Variants in MEP1B observed in about 807,000 individuals in gnomAD.
MEP1B encodes N-benzoyl-L-tyrosyl-P-amino-benzoic acid hydrolase subunit beta.
A neutral mutation model predicts 84.6 loss-of-function variants in MEP1B; 80 were observed. The observed-to-expected ratio is 0.95, with a 90% CI of 0.79 to 1.14. The LOEUF (loss-of-function observed/expected upper bound fraction) is 1.14. Ranked by LOEUF, MEP1B falls within the 50% of genes most tolerant of loss-of-function variation. The pLI is 0.00. For missense variants in MEP1B, 766 were observed against 855.1 expected, an observed-to-expected ratio of 0.90 and a Z score of 1.30; for synonymous variants, 273 against 288.1, an observed-to-expected ratio of 0.95 and a Z score of 0.53.
At chr18:32,195,260 G>T in intron 4 of MEP1B, 147 bp from the exon 5 acceptor site, 5 of 503,892 alleles carry the variant, frequency 9.9e-6, no homozygotes, top group South Asian at 9.9e-5. Flanking sequence ...ATAAAAGTAG[G>T]GCTACACACA....
At chr18:32,215,510 G>C (rs1413540947) in intron 12 of MEP1B, among the ~76,000 whole-genome samples, 1 of 152,114 alleles carries the variant, frequency 6.6e-6, no homozygotes, top group East Asian at 1.9e-4. Flanking sequence ...AAACCTTTAG[G>C]TTGGGAAATT....
At chr18:32,194,297 G>A (rs147198182) in intron 4 of MEP1B, among the ~76,000 whole-genome samples, 6 of 152,110 alleles carry the variant, frequency 3.9e-5, no homozygotes, top group African/African-American at 1.4e-4. Context: ...TTCAGATATT[G>A]TTCCCCTATA....
Position 32,204,174 on chromosome 18 carries a change from C to T in MEP1B, c.369-8C>T, listed in dbSNP as rs1324865512. On this transcript the variant is annotated splice_region_variant and splice_polypyrimidine_tract_variant and intron_variant, in intron 6 of 14. Transcript: ENST00000269202. ...CTCTTCCCCCTTTCTTGTAAACTCTCCTGTAAGCTGCTGGTCTTCAGTAGG... is the reference window on the plus strand; with the variant it reads ...CTCTTCCCCCTTTCTTGTAAACTCTTCTGTAAGCTGCTGGTCTTCAGTAGG... 2 of 1,601,376 alleles carry T rather than the reference C, an allele frequency of 1.2e-6. No individual in the cohort carries two copies. Among genetic ancestry groups the T allele is most frequent in the Non-Finnish European group, 1.7e-6 (2 of 1,173,884 alleles).
Position 32,207,377 on chromosome 18 carries a change from G to A in MEP1B, c.673G>A (p.Val225Ile), listed in dbSNP as rs774381249. 2 of 1,613,392 alleles carry A rather than the reference G, an allele frequency of 1.2e-6. No individual in the cohort carries two copies. Among genetic ancestry groups the A allele is most frequent in the African/African-American group, 2.7e-5 (2 of 75,050 alleles). ...CCAAAATGGAACAGAGCCGACAATTGTCACAAGAATCTCAGACTTTGAGGA... is the reference window on the plus strand; with the variant it reads ...CCAAAATGGAACAGAGCCGACAATTATCACAAGAATCTCAGACTTTGAGGA... The part of the protein sequence containing the change: ...AFQNGTEPTI[V>I]TRISDFEDVI... Residue 225 changes from valine to isoleucine, a missense_variant, in exon 8 of 15, where the codon GTC becomes ATC. Coordinates refer to ENST00000269202, the MANE Select transcript of MEP1B (RefSeq NM_005925.3).
intron 7 of MEP1B, 60 bp from the exon 8 acceptor site, chr18:32,207,192 T>G: frequency 5.3e-6 from 6 of 1,135,334 alleles, no homozygotes; most frequent in Non-Finnish European, 6.5e-6. Flanking sequence ...GAGCAGTATT[T>G]GGAGTAAGAT....
chr18:32,192,351 C>G (rs1202227684), intron 2 of MEP1B, among the ~76,000 whole-genome samples: 4 of 152,076 alleles, frequency 2.6e-5, no homozygotes, highest in Admixed American at 2.6e-4. Context: ...GTCTTCTAGT[C>G]TTTCAAATTA....
intron 4 of MEP1B, among the ~76,000 whole-genome samples, chr18:32,193,209 T>C (rs1284803819): frequency 6.6e-6 from 1 of 152,172 alleles, no homozygotes; most frequent in Non-Finnish European, 1.5e-5. Flanking sequence ...CCCCAATAAA[T>C]AGATTTTGTG....
chr18:32,204,242 C>G lies in MEP1B; in HGVS notation c.429C>G (p.Asn143Lys). ...AGCAAGAACTTTCCATCGGGGCAAACTGTGACCGAATAGCAACAGTTCAAC... is the reference window on the plus strand; with the variant it reads ...AGCAAGAACTTTCCATCGGGGCAAAGTGTGACCGAATAGCAACAGTTCAAC... ...VGKQELSIGA[N>K]CDRIATVQHE... is the part of the protein sequence containing the mutation. The change falls in exon 7 of 15, where the codon AAC (asparagine) becomes AAG (lysine). Residue 143 changes from asparagine to lysine, a missense_variant. Asn to Lys is a moderately conservative substitution (Grantham distance 94). Coordinates refer to ENST00000269202, the MANE Select transcript of MEP1B (RefSeq NM_005925.3). 1.9e-6 allele frequency: 3 copies of G among 1,605,764 alleles called. No individual in the cohort carries two copies. The highest frequency in any genetic ancestry group is 2.6e-6 in the Non-Finnish European group (3 of 1,176,402).
chr18:32,207,734 A>C (rs1048517709), intron 8 of MEP1B, among the ~76,000 whole-genome samples: 7 of 152,264 alleles, frequency 4.6e-5, no homozygotes, highest in Non-Finnish European at 8.8e-5. Flanking sequence ...GCTGTTACTA[A>C]TTCAAACCTC....
intron 5 of MEP1B, among the ~76,000 whole-genome samples, chr18:32,199,590 T>C (rs955908330): frequency 2.3e-5 from 3 of 127,954 alleles, no homozygotes; most frequent in Admixed American, 1.5e-4. Context: ...TGAATATACA[T>C]GTTTTTTTGG....
At chr18:32,190,205 G>GT (rs967569100) in intron 1 of MEP1B, 72 bp downstream of exon 1, 24,655 of 783,846 alleles carry the variant, frequency 0.031, no homozygotes, top group South Asian at 0.042. Context: ...AAGAACAAGT[G>GT]TTTTTTTTTT....
chr18:32,208,394 A>G (rs28759083), intron 9 of MEP1B, 123 bp downstream of exon 9: 73,983 of 1,029,926 alleles, frequency 0.072, 3,304 homozygotes, highest in African/African-American at 0.19. Flanking sequence ...TCATTAGGTT[A>G]CTACTGAGAA....
intron 8 of MEP1B, 40 bp from the exon 9 acceptor site, chr18:32,208,079 T>A: frequency 1.2e-6 from 2 of 1,601,336 alleles, no homozygotes; most frequent in Non-Finnish European, 1.7e-6. Flanking sequence ...TAGATTATCA[T>A]GTTGTATGAG....
chr18:32,191,207 G>GTTTT, intron 1 of MEP1B, among the ~76,000 whole-genome samples: 1 of 128,474 alleles, frequency 7.8e-6, no homozygotes. Context: ...TTACTTAGTT[G>GTTTT]TTTTTTTTTT....
chr18:32,217,698 A>G, intron 13 of MEP1B, 63 bp from the exon 14 acceptor site: 1 of 1,337,380 alleles, frequency 7.5e-7, no homozygotes, highest in South Asian at 1.2e-5. Flanking sequence ...CACATCTTTA[A>G]CTGTGAAGAT....
Position 32,191,803 on chromosome 18 carries a change from T to G in MEP1B, c.64-19T>G, listed in dbSNP as rs1409803590. The stretch of plus-strand genomic sequence containing the variant: ...TGGGCATTATAATAATATGTTTTGT[T>G]TATGTGTTTATTTCCCAGGCAACTC... On this transcript the variant is annotated intron_variant, in intron 1 of 14. Coordinates refer to ENST00000269202, the MANE Select transcript of MEP1B (RefSeq NM_005925.3). The G allele has an allele frequency of 8.0e-6, 12 of 1,499,470 alleles. No individual in the cohort carries two copies. The East Asian group carries it at 2.1e-4, about 27-fold the overall frequency. The allele number at this position is 1,499,470 out of a possible 1,614,324, so 92.9% of individuals were successfully genotyped here.
chr18:32,195,291 ATTTG>A (rs1418409845), intron 4 of MEP1B, 112 bp from the exon 5 acceptor site: 4 of 644,346 alleles, frequency 6.2e-6, no homozygotes, highest in East Asian at 5.6e-5. Context: ...CACACACACA[ATTTG>A]TTTGTGCGAA....
intron 10 of MEP1B, among the ~76,000 whole-genome samples, chr18:32,212,461 G>T (rs2144421229): frequency 6.6e-6 from 1 of 152,262 alleles, no homozygotes; most frequent in South Asian, 2.1e-4. Flanking sequence ...AAGAAAATCA[G>T]ACAGAATGGC....
intron 9 of MEP1B, 54 bp from the exon 10 acceptor site, chr18:32,210,447 C>G: frequency 6.9e-7 from 1 of 1,455,786 alleles, no homozygotes; most frequent in Non-Finnish European, 9.5e-7. Flanking sequence ...TTAACAAACA[C>G]ACATTCCTAT....
Sources: gnomAD v4.1 joint callset for allele counts (sites outside exome capture counted in the v4.1 genomes callset) on GRCh38, gnomAD v4.1.1 for gene constraint, MANE v1.5 for transcripts, NCBI Gene and HGNC (gene_info 2026-07-23, HGNC 2026-07-21) for gene names.